The following LMAN2L variants were observed in gnomAD, a reference collection of about 807,000 sequenced individuals.
The protein encoded by LMAN2L is VIP36-like protein.
LMAN2L carries 30 observed loss-of-function variants against 44.3 expected under a neutral mutation model. That is an observed-to-expected ratio of 0.68 (90% CI 0.51 to 0.92). The LOEUF (loss-of-function observed/expected upper bound fraction) is 0.92. LMAN2L is among the 40% of genes least tolerant of loss of function. LMAN2L has a pLI of 0.00. For synonymous variants in LMAN2L, 183 were observed against 171.1 expected (o/e 1.07, Z -0.54); for missense variants, 429 against 446.1 (o/e 0.96, Z 0.35).
At chr2:96,737,191 C>T (rs554300873) in intron 2 of LMAN2L, 7 of 455,424 alleles carry the variant, frequency 1.5e-5, no homozygotes, top group South Asian at 7.8e-5. Flanking sequence ...CACTTCTTGT[C>T]GCCATACCTC....
At chr2:96,709,896 AT>A (rs1302728095) in intron 6 of LMAN2L, among the ~76,000 whole-genome samples, 1 of 152,196 alleles carries the variant, frequency 6.6e-6, no homozygotes, top group African/African-American at 2.4e-5. Context: ...ACAAAAAATT[AT>A]TCTCCCCTGC....
At chr2:96,722,458 C>T (rs1158861509) in intron 4 of LMAN2L, among the ~76,000 whole-genome samples, 3 of 151,852 alleles carry the variant, frequency 2.0e-5, no homozygotes, top group Non-Finnish European at 2.9e-5. Context: ...CTAGATCCCT[C>T]GCATGCTCAG....
rs200286673 is a variant in LMAN2L at position 96,711,923 on chromosome 2, C to T, written c.610G>A (p.Val204Ile). The T allele has an allele frequency of 6.2e-7, 1 of 1,614,202 alleles. No homozygotes were observed. Among genetic ancestry groups the T allele is most frequent in the East Asian group, 2.2e-5 (1 of 44,880 alleles). Reference sequence around the variant, plus strand: ...AAGGTGTCGTAATGAAGATTGCGGACAATGGCTGTGCAGCCTCCCAGCTCT... The same window carrying T: ...AAGGTGTCGTAATGAAGATTGCGGATAATGGCTGTGCAGCCTCCCAGCTCT... ...PTELGGCTAI[V>I]RNLHYDTFLV... Residue 204 changes from valine (V) to isoleucine (I), a missense_variant, in exon 5 of 8, where the codon GTC becomes ATC. Val to Ile is a conservative substitution (Grantham distance 29). Transcript: ENST00000264963.
intron 4 of LMAN2L, among the ~76,000 whole-genome samples, chr2:96,728,521 A>AC (rs1199037650): frequency 6.7e-6 from 1 of 148,538 alleles, no homozygotes; most frequent in African/African-American, 2.5e-5. Flanking sequence ...AAAAAAAAAA[A>AC]AGAAATTGCA....
rs573328062 is a variant in LMAN2L at position 96,728,420 on chromosome 2, G to A, written c.507+5099C>T. On this transcript the variant is annotated intron_variant, in intron 4 of 7. Transcript: ENST00000264963. ...ATTCCGGAGGCTGAGGCAGGAGAAT[G>A]GCCTGAACCCAGGAGGCGGACCTTG... 1.9e-3 allele frequency among the ~76,000 whole-genome samples: 293 copies of A among 151,282 alleles called. 1 individual carries two copies. The highest frequency in any genetic ancestry group is 6.6e-3 in the African/African-American group (270 of 41,150).
chr2:96,737,110 GA>G (rs1241205836), intron 2 of LMAN2L: 1 of 453,940 alleles, frequency 2.2e-6, no homozygotes, highest in African/African-American at 2.0e-5. Context: ...GAAAGCCCTG[GA>G]AACAGAAAAG....
In LMAN2L at chr2:96,708,300, C is replaced by T. The variant is rs117691175; in HGVS notation, c.785-467G>A. On this transcript the variant is annotated intron_variant, in intron 6 of 7. Transcript: ENST00000264963. ...ACTGCATCGTGTACTGTATTCCATA[C>T]GTTACATCAGACATTCAACACTTTG... Among the ~76,000 whole-genome samples, 60 of 152,334 alleles carry T rather than the reference C, an allele frequency of 3.9e-4. No homozygotes were observed. The East Asian group carries it at 0.01, about 25-fold the overall frequency.
intron 4 of LMAN2L, among the ~76,000 whole-genome samples, chr2:96,732,841 T>A (rs1011275521): frequency 6.9e-6 from 1 of 144,608 alleles, no homozygotes; most frequent in East Asian, 2.0e-4. Flanking sequence ...CAGGGGGGAG[T>A]GCAATGGTGT....
chr2:96,707,462 C>G, intron 7 of LMAN2L, 64 bp from the exon 8 acceptor site: 2 of 1,526,170 alleles, frequency 1.3e-6, no homozygotes, highest in African/African-American at 1.4e-5. Flanking sequence ...AAGGATCAAA[C>G]TATAGGCTGT....
intron 4 of LMAN2L, among the ~76,000 whole-genome samples, chr2:96,720,076 A>G (rs2078119460): frequency 6.6e-6 from 1 of 152,172 alleles, no homozygotes; most frequent in African/African-American, 2.4e-5. Flanking sequence ...ACTGGATGGC[A>G]TGGTATTGTT....
At chr2:96,719,079 C>G (rs957901699) in intron 4 of LMAN2L, among the ~76,000 whole-genome samples, 1 of 152,144 alleles carries the variant, frequency 6.6e-6, no homozygotes, top group Admixed American at 6.5e-5. Flanking sequence ...ACCCAGATTA[C>G]AAGTACCAAG....
chr2:96,725,919 G>C (rs1249603574), intron 4 of LMAN2L, among the ~76,000 whole-genome samples: 1 of 151,720 alleles, frequency 6.6e-6, no homozygotes, highest in Non-Finnish European at 1.5e-5. Context: ...TGATCATGAG[G>C]TCAGGAGTTC....
chr2:96,713,582 C>T (rs963945174), intron 4 of LMAN2L, among the ~76,000 whole-genome samples: 1 of 152,178 alleles, frequency 6.6e-6, no homozygotes, highest in South Asian at 2.1e-4. Flanking sequence ...GAGGAGACAA[C>T]AGGGCTAAAT....
At chr2:96,738,583 G>A (rs1292622379) in intron 1 of LMAN2L, among the ~76,000 whole-genome samples, 2 of 152,072 alleles carry the variant, frequency 1.3e-5, no homozygotes, top group Non-Finnish European at 2.9e-5. Context: ...GGCTGAGTTG[G>A]GAGCATCGCT....
chr2:96,707,687 C>G lies in LMAN2L; in HGVS notation c.904+27G>C, dbSNP rs371988551. The G allele has an allele frequency of 3.1e-6, 5 of 1,613,148 alleles. No individual in the cohort carries two copies. The African/African-American group carries it at 4.0e-5, about 13-fold the overall frequency. On this transcript the variant is annotated intron_variant, in intron 7 of 7. Coordinates refer to ENST00000264963, the MANE Select transcript of LMAN2L (RefSeq NM_030805.4). ...TGCAAGCTCCTCCCCAACTATGGGACCATTTCCCGCGGGCCCCTGTGCTCA... is the reference window on the plus strand; with the variant it reads ...TGCAAGCTCCTCCCCAACTATGGGAGCATTTCCCGCGGGCCCCTGTGCTCA...
At chr2:96,723,312 C>T (rs2078198462) in intron 4 of LMAN2L, among the ~76,000 whole-genome samples, 1 of 152,192 alleles carries the variant, frequency 6.6e-6, no homozygotes, top group Admixed American at 6.5e-5. Flanking sequence ...AGCCTCTTTT[C>T]AAGCTTCTTG....
At position 96,728,988 on chromosome 2, in the gene LMAN2L, C is replaced by T. The variant is rs371159449; in HGVS notation, c.507+4531G>A. The stretch of plus-strand genomic sequence containing the variant: ...GAGATCAAGACCATCCTGGCTAACA[C>T]GGTGAAACCCCATGTCTACTAAAAA... On this transcript the variant is annotated intron_variant, in intron 4 of 7. Transcript: ENST00000264963. Among the ~76,000 whole-genome samples the T allele has an allele frequency of 1.2e-3, 182 of 152,068 alleles. 3 individuals are homozygous for T. The South Asian group carries it at 0.037, about 31-fold the overall frequency.
At position 96,711,647 on chromosome 2, in the gene LMAN2L, T is replaced by C; in HGVS notation, c.784+9A>G. 6.3e-7 allele frequency: 1 copy of C among 1,592,996 alleles called. No individual in the cohort carries two copies. Among genetic ancestry groups the C allele is most frequent in the East Asian group, 2.2e-5 (1 of 44,786 alleles). ...AGTCAGGGCAAACCAAGAGTGCGCGTGGCAGTACCTGAGAGATCCCCAGTG... is the reference window on the plus strand; with the variant it reads ...AGTCAGGGCAAACCAAGAGTGCGCGCGGCAGTACCTGAGAGATCCCCAGTG... On this transcript the variant is annotated intron_variant, in intron 6 of 7. Coordinates refer to ENST00000264963, the MANE Select transcript of LMAN2L (RefSeq NM_030805.4).
rs781269629 is a variant in LMAN2L, at chr2:96,707,377, A to C, written c.926T>G (p.Leu309Arg). 3.1e-6 allele frequency: 5 copies of C among 1,612,624 alleles called. No individual in the cohort carries two copies. In the East Asian group the frequency reaches 1.1e-4, roughly 36 times the overall value. The change falls in exon 8 of 8, where the codon CTG (leucine) becomes CGG (arginine). Residue 309 changes from leucine to arginine, a missense_variant. Physicochemically the swap from Leu to Arg is moderately radical, Grantham distance 102 (BLOSUM62 -2). Coordinates refer to ENST00000264963, the MANE Select transcript of LMAN2L (RefSeq NM_030805.4). ...LPEMTAPLPP[L>R]SGLALFLIVF... ...GATGAGGAAGAGGGCCAGGCCACTC[A>C]GGGGCGGCAGTGGAGCTGTCACTGA... is the stretch of plus-strand genomic sequence containing the variant.
Sources: gnomAD v4.1 joint callset for allele counts (sites outside exome capture counted in the v4.1 genomes callset) on GRCh38, gnomAD v4.1.1 for gene constraint, MANE v1.5 for transcripts, NCBI Gene and HGNC (gene_info 2026-07-23, HGNC 2026-07-21) for gene names.